Variants in EXT2 observed in about 807,000 individuals in gnomAD.
EXT2 encodes the protein exostosin glycosyltransferase 2.
In EXT2, 53 loss-of-function variants were observed where a neutral mutation model predicts 81.6. That is an observed-to-expected ratio of 0.65 (90% CI 0.52 to 0.82). The LOEUF is 0.82. EXT2 is among the 40% of genes least tolerant of loss of function. The pLI, the probability that EXT2 is intolerant of heterozygous loss-of-function variation, is 0.00. For missense variants in EXT2, 774 were observed against 910.2 expected (o/e 0.85, Z 1.93); for synonymous variants, 320 against 340.0 (o/e 0.94, Z 0.65).
At position 44,100,446 on chromosome 11, in the gene EXT2, G is replaced by A. The variant is rs76936051; in HGVS notation, c.-31+4594G>A. ...TAAGACTGTCACCACGAGTGGTTTA[G>A]GATGAGACTCAGGTGGAAGGAAAAG... On this transcript the variant is annotated intron_variant, in intron 1 of 13. Coordinates refer to ENST00000533608, the MANE Select transcript of EXT2 (RefSeq NM_207122.2). 1.9e-3 allele frequency among the ~76,000 whole-genome samples: 297 copies of A among 152,330 alleles called. 3 individuals carry two copies. Among genetic ancestry groups the A allele is most frequent in the Non-Finnish European group, 3.4e-3 (228 of 68,040 alleles).
In EXT2 at chr11:44,248,310, G is replaced by A. The variant is rs1956112567; in HGVS notation, c.*4023G>A. Among the ~76,000 whole-genome samples the A allele has an allele frequency of 6.6e-6, 1 of 152,210 alleles. No individual in the cohort carries two copies. Among genetic ancestry groups the A allele is most frequent in the Non-Finnish European group, 1.5e-5 (1 of 68,032 alleles). ...CCTGAGGAGCAGTTCTGGCAGGAGT[G>A]TTAACCATATTGGCAGCAGCTTCCA... is the stretch of plus-strand genomic sequence containing the variant. On this transcript the variant is annotated 3_prime_UTR_variant, in exon 14 of 14. Transcript: ENST00000533608.
rs764143899 is a variant in EXT2, at chr11:44,234,254, C to T, written c.1935+11C>T. The T allele has an allele frequency of 6.2e-7, 1 of 1,613,038 alleles. No individual in the cohort carries two copies. Among genetic ancestry groups the T allele is most frequent in the African/African-American group, 1.3e-5 (1 of 74,888 alleles). ...AAAGCAGTTATCAAGGTAGGAGGCTCTGCCACTCACTTGCTTTGTGATCTT... is the reference window on the plus strand; with the variant it reads ...AAAGCAGTTATCAAGGTAGGAGGCTTTGCCACTCACTTGCTTTGTGATCTT... On this transcript the variant is annotated intron_variant, in intron 12 of 13. Coordinates refer to ENST00000533608, the MANE Select transcript of EXT2 (RefSeq NM_207122.2).
chr11:44,103,997 C>T (rs980526160), intron 1 of EXT2, among the ~76,000 whole-genome samples: 4 of 152,044 alleles, frequency 2.6e-5, no homozygotes, highest in Non-Finnish European at 4.4e-5. Context: ...AATCTCTGTG[C>T]TTTTATTTAT....
At chr11:44,242,388 C>G (rs1454362702) in intron 13 of EXT2, among the ~76,000 whole-genome samples, 1 of 152,164 alleles carries the variant, frequency 6.6e-6, no homozygotes. Context: ...TTCCCAGTCT[C>G]CCTTCAATTT....
At chr11:44,171,939 C>G (rs1349649184) in intron 8 of EXT2, 197 bp downstream of exon 8, 4 of 718,854 alleles carry the variant, frequency 5.6e-6, no homozygotes, top group African/African-American at 5.3e-5. Context: ...GAAGCAGCAG[C>G]TTCCAGTGTG....
rs10707708 is a variant in EXT2 at position 44,135,390 on chromosome 11, CTT to C, written c.1173+5270_1173+5271del. The stretch of plus-strand genomic sequence containing the variant: ...GGTATGAATAAAGAGGATGGAAATA[CTT>C]TTTTTTTTTTTTTTTTTGAGACAGA... On this transcript the variant is annotated intron_variant, in intron 7 of 13. Coordinates refer to ENST00000533608, the MANE Select transcript of EXT2 (RefSeq NM_207122.2). Among the ~76,000 whole-genome samples the C allele has an allele frequency of 8.2e-3, 956 of 116,254 alleles. 7 individuals are homozygous for C. The highest frequency in any genetic ancestry group is 0.019 in the African/African-American group (625 of 32,974). The allele number at this position is 116,254 out of a possible 152,430, so 76.3% of individuals were successfully genotyped here.
In EXT2 at chr11:44,096,336, A is replaced by G. The variant is rs1441575214; in HGVS notation, c.-31+484A>G. 3.9e-6 allele frequency: 6 copies of G among 1,534,752 alleles called. No homozygotes were observed. In the African/African-American group the frequency reaches 4.1e-5, roughly 11 times the overall value. ...CGTGGGACGAGGTAGGGAAGGGGCC[A>G]GGGGCATGTTATGCCGGGGACTGGG... is the stretch of plus-strand genomic sequence containing the variant. On this transcript the variant is annotated intron_variant, in intron 1 of 13. Transcript: ENST00000533608.
intron 6 of EXT2, among the ~76,000 whole-genome samples, chr11:44,128,584 G>A (rs1954443257): frequency 1.3e-5 from 2 of 152,212 alleles, no homozygotes; most frequent in Admixed American, 1.3e-4. Flanking sequence ...TGGATGGGAT[G>A]CCAGGAGGAG....
At chr11:44,140,068 G>C (rs1443380869) in intron 7 of EXT2, among the ~76,000 whole-genome samples, 2 of 152,184 alleles carry the variant, frequency 1.3e-5, no homozygotes, top group Non-Finnish European at 2.9e-5. Context: ...GGCAAAAGAG[G>C]GTTTTCCAAG....
intron 8 of EXT2, among the ~76,000 whole-genome samples, chr11:44,191,667 G>T (rs570107034): frequency 3.9e-5 from 6 of 152,308 alleles, no homozygotes; most frequent in African/African-American, 1.4e-4. Context: ...CCAGCAGGGG[G>T]TCAGTTCTTA....
intron 10 of EXT2, among the ~76,000 whole-genome samples, chr11:44,208,681 G>A (rs906774675): frequency 3.0e-4 from 46 of 152,202 alleles, no homozygotes; most frequent in Admixed American, 2.6e-3. Flanking sequence ...TCAACGTCCC[G>A]AGTGTTTCCA....
intron 7 of EXT2, among the ~76,000 whole-genome samples, chr11:44,155,990 T>C (rs1954850846): frequency 6.6e-6 from 1 of 152,176 alleles, no homozygotes; most frequent in Non-Finnish European, 1.5e-5. Context: ...TTGAAGAACA[T>C]TTTTGCCAGA....
Position 44,226,095 on chromosome 11 carries a change from G to C in EXT2, c.1663-6258G>C, listed in dbSNP as rs1004786891. On this transcript the variant is annotated intron_variant, in intron 10 of 13. Transcript: ENST00000533608. ...TATCAACTATGGCCAACCCCAGTCT[G>C]TCTCTTTGCCATCTTCATGGCACCT... 9.9e-5 allele frequency among the ~76,000 whole-genome samples: 15 copies of C among 152,168 alleles called. 2 individuals carry two copies. Among genetic ancestry groups the C allele is most frequent in the Admixed American group, 7.2e-4 (11 of 15,292 alleles).
At chr11:44,151,145 A>G (rs1954786507) in intron 7 of EXT2, among the ~76,000 whole-genome samples, 1 of 152,218 alleles carries the variant, frequency 6.6e-6, no homozygotes, top group African/African-American at 2.4e-5. Flanking sequence ...GTTCCCATAT[A>G]TCCCCCATCC....
At chr11:44,234,870 A>C (rs1001522249) in intron 12 of EXT2, among the ~76,000 whole-genome samples, 2 of 152,220 alleles carry the variant, frequency 1.3e-5, no homozygotes, top group East Asian at 1.9e-4. Context: ...TTATATGAGT[A>C]GAATCATCTT....
intron 10 of EXT2, among the ~76,000 whole-genome samples, chr11:44,214,762 T>C (rs916600666): frequency 6.6e-6 from 1 of 151,922 alleles, no homozygotes; most frequent in Non-Finnish European, 1.5e-5. Flanking sequence ...TTTTTTTTTT[T>C]TTTTAAAGAC....
chr11:44,177,577 G>A (rs969792932), intron 8 of EXT2, among the ~76,000 whole-genome samples: 3 of 152,206 alleles, frequency 2.0e-5, no homozygotes, highest in African/African-American at 7.2e-5. Flanking sequence ...TCCTCTCAGT[G>A]ACAGCTTTTT....
At chr11:44,101,812 A>G (rs1469887674) in intron 1 of EXT2, among the ~76,000 whole-genome samples, 1 of 152,196 alleles carries the variant, frequency 6.6e-6, no homozygotes, top group East Asian at 1.9e-4. Flanking sequence ...GAGACAAGGT[A>G]GACATAGTGC....
chr11:44,210,066 A>C (rs1002413974), intron 10 of EXT2, among the ~76,000 whole-genome samples: 1 of 152,224 alleles, frequency 6.6e-6, no homozygotes, highest in Non-Finnish European at 1.5e-5. Context: ...ATCTGGTTAC[A>C]TCCATTTTGG....
Sources: gnomAD v4.1 joint callset for allele counts (sites outside exome capture counted in the v4.1 genomes callset) on GRCh38, gnomAD v4.1.1 for gene constraint, MANE v1.5 for transcripts, NCBI Gene and HGNC (gene_info 2026-07-23, HGNC 2026-07-21) for gene names.